Variants in RBKS observed in about 807,000 individuals in gnomAD.
RBKS encodes ribokinase.
RBKS carries 33 observed loss-of-function variants against 33.9 expected under a neutral mutation model. The ratio of observed to expected loss-of-function variants is 0.97; its 90% CI spans 0.74 to 1.30. RBKS has a LOEUF of 1.30. Among genes scored for constraint, RBKS ranks in the 50% most tolerant of loss-of-function variants. The pLI is 0.00. For missense variants in RBKS, 361 were observed against 392.6 expected (o/e 0.92, Z 0.68); for synonymous variants, 125 against 143.0 (o/e 0.87, Z 0.90).
intron 7 of RBKS, among the ~76,000 whole-genome samples, chr2:27,805,211 C>T (rs781409976): frequency 1.6e-4 from 25 of 152,144 alleles, no homozygotes; most frequent in Non-Finnish European, 3.2e-4. Flanking sequence ...CAGAAAAATT[C>T]TCATAATGTT....
In RBKS at chr2:27,843,243, T is replaced by C; in HGVS notation, c.350-12A>G. 1 of 1,591,466 alleles carries C rather than the reference T, an allele frequency of 6.3e-7. No homozygotes were observed. The highest frequency in any genetic ancestry group is 8.6e-7 in the Non-Finnish European group (1 of 1,167,700). On this transcript the variant is annotated splice_polypyrimidine_tract_variant and intron_variant, in intron 4 of 7. Transcript: ENST00000302188. ...AATGATATTCTGGCCTATAAAGAAA[T>C]TCCACCTATTATATTAAAACTAAAC...
At chr2:27,877,187 G>A (rs1664329804) in intron 1 of RBKS, among the ~76,000 whole-genome samples, 1 of 151,970 alleles carries the variant, frequency 6.6e-6, no homozygotes, top group South Asian at 2.1e-4. Context: ...AAGTTTCTTT[G>A]CTACTCTGAT....
intron 1 of RBKS, among the ~76,000 whole-genome samples, chr2:27,874,717 A>G (rs1160702493): frequency 6.6e-6 from 1 of 152,192 alleles, no homozygotes; most frequent in Non-Finnish European, 1.5e-5. Context: ...TTTTATCAGT[A>G]AGTCACTTTT....
chr2:27,876,807 T>C (rs1214464872), intron 1 of RBKS, among the ~76,000 whole-genome samples: 2 of 152,112 alleles, frequency 1.3e-5, no homozygotes, highest in African/African-American at 2.4e-5. Flanking sequence ...AAATGGTAAA[T>C]GTTATATTAT....
In RBKS at chr2:27,827,743, T is replaced by A. The variant is rs374620737; in HGVS notation, c.619A>T (p.Thr207Ser). ...CCNESEAEIL[T>S]GLTVGSAADA... ...GCAGCGCTGCCCACCGTGAGGCCAGTTAAAATCTCAGCCTAGAATACACAA... is the reference window on the plus strand; with the variant it reads ...GCAGCGCTGCCCACCGTGAGGCCAGATAAAATCTCAGCCTAGAATACACAA... Residue 207 changes from threonine (T) to serine (S), a missense_variant, in exon 7 of 8, where the codon ACT (threonine) becomes TCT (serine). Physicochemically the swap from Thr to Ser is moderately conservative, Grantham distance 58. Coordinates refer to ENST00000302188, the MANE Select transcript of RBKS (RefSeq NM_022128.3). The A allele has an allele frequency of 5.9e-5, 95 of 1,600,654 alleles. No individual in the cohort carries two copies. Among genetic ancestry groups the A allele is most frequent in the Non-Finnish European group, 7.5e-5 (88 of 1,175,568 alleles).
chr2:27,886,568 G>T (rs900098870), intron 1 of RBKS, among the ~76,000 whole-genome samples: 1 of 152,068 alleles, frequency 6.6e-6, no homozygotes. Context: ...GAGGTAGAAT[G>T]ATATAATGGA....
intron 3 of RBKS, among the ~76,000 whole-genome samples, chr2:27,847,341 C>T (rs918790694): frequency 2.6e-5 from 4 of 152,182 alleles, no homozygotes; most frequent in Non-Finnish European, 5.9e-5. Context: ...ACCCACCAAA[C>T]TGCTCCTACT....
chr2:27,850,693 G>T (rs1663729298), intron 2 of RBKS, among the ~76,000 whole-genome samples: 1 of 152,062 alleles, frequency 6.6e-6, no homozygotes, highest in Admixed American at 6.5e-5. Flanking sequence ...CCATTGTCTC[G>T]ATGTACCAGA....
intron 7 of RBKS, among the ~76,000 whole-genome samples, chr2:27,794,294 T>TC (rs927772688): frequency 3.8e-5 from 5 of 131,910 alleles, no homozygotes; most frequent in African/African-American, 1.4e-4. Flanking sequence ...CGAAACTCCA[T>TC]CCCCCCCACA....
intron 7 of RBKS, among the ~76,000 whole-genome samples, chr2:27,801,964 ATATATATATATAT>A (rs1677799712): frequency 2.1e-5 from 1 of 48,564 alleles, no homozygotes; most frequent in East Asian, 5.6e-4. Context: ...AAAAAAAAAA[ATATATATATATAT>A]ATATATATAT....
chr2:27,782,857 C>G (rs961013391), intron 7 of RBKS, among the ~76,000 whole-genome samples: 1 of 152,052 alleles, frequency 6.6e-6, no homozygotes, highest in Non-Finnish European at 1.5e-5. Flanking sequence ...AAGTTATGCT[C>G]TATCTCCTTA....
chr2:27,789,951 A>ATATATATATATATATATATGTG (rs1558533092), intron 7 of RBKS, among the ~76,000 whole-genome samples: 7 of 111,380 alleles, frequency 6.3e-5, no homozygotes, highest in Non-Finnish European at 9.4e-5. Context: ...GTATATGTGT[A>ATATATATATATATATATATGTG]TATATATATA....
At position 27,861,720 on chromosome 2, in the gene RBKS, C is replaced by A. The variant is rs139452331; in HGVS notation, c.90-3149G>T. ...AGGCTGGAATGCAGTGGTGTTATCTCGGCTCACTGTTACCTCTGCCTCCTG... is the reference window on the plus strand; with the variant it reads ...AGGCTGGAATGCAGTGGTGTTATCTAGGCTCACTGTTACCTCTGCCTCCTG... On this transcript the variant is annotated intron_variant, in intron 1 of 7. Transcript: ENST00000302188. Among the ~76,000 whole-genome samples the A allele has an allele frequency of 9.4e-5, 14 of 148,976 alleles. No homozygotes were observed. The East Asian group carries it at 2.9e-3, about 31-fold the overall frequency.
intron 7 of RBKS, among the ~76,000 whole-genome samples, chr2:27,783,898 C>T (rs1677336610): frequency 1.6e-5 from 2 of 128,596 alleles, no homozygotes; most frequent in Admixed American, 8.3e-5. Context: ...CAGAGCGAGA[C>T]TCTGTCTCAG....
rs187925390 is a variant in RBKS, at chr2:27,835,198, C to T, written c.515-2421G>A. 3.8e-3 allele frequency among the ~76,000 whole-genome samples: 569 copies of T among 151,498 alleles called. 1 individual carries two copies. Among genetic ancestry groups the T allele is most frequent in the Middle Eastern group, 0.02 (6 of 294 alleles). On this transcript the variant is annotated intron_variant, in intron 5 of 7. Coordinates refer to ENST00000302188, the MANE Select transcript of RBKS (RefSeq NM_022128.3). Reference sequence around the variant, plus strand: ...GGCTGGGGCAGGAGAATCGCTTGAACCCGGGAGGTGGAGGCTACAGTGAGC... The same window carrying T: ...GGCTGGGGCAGGAGAATCGCTTGAATCCGGGAGGTGGAGGCTACAGTGAGC...
At chr2:27,850,932 A>G (rs938084280) in intron 2 of RBKS, among the ~76,000 whole-genome samples, 1 of 152,162 alleles carries the variant, frequency 6.6e-6, no homozygotes, top group African/African-American at 2.4e-5. Flanking sequence ...AAGGCAAACC[A>G]CCTGGAACTG....
intron 7 of RBKS, among the ~76,000 whole-genome samples, chr2:27,821,716 G>T (rs550507597): frequency 5.9e-5 from 9 of 152,288 alleles, no homozygotes; most frequent in African/African-American, 1.9e-4. Context: ...ATTTCCAAAG[G>T]CACTTTGAGT....
chr2:27,845,066 A>T (rs941551047), intron 4 of RBKS, among the ~76,000 whole-genome samples: 8 of 152,224 alleles, frequency 5.3e-5, no homozygotes, highest in African/African-American at 1.9e-4. Flanking sequence ...TCCTAGAAAA[A>T]TTCAAAGTTC....
At chr2:27,883,598 C>T (rs1182234290) in intron 1 of RBKS, among the ~76,000 whole-genome samples, 1 of 152,196 alleles carries the variant, frequency 6.6e-6, no homozygotes. Flanking sequence ...CAAAGTCCAC[C>T]TTACTTTGTT....
Sources: gnomAD v4.1 joint callset for allele counts (sites outside exome capture counted in the v4.1 genomes callset) on GRCh38, gnomAD v4.1.1 for gene constraint, MANE v1.5 for transcripts, NCBI Gene and HGNC (gene_info 2026-07-23, HGNC 2026-07-21) for gene names.